ROBO1: variants seen among roughly 807,000 people sequenced by gnomAD.
ROBO1 encodes roundabout guidance receptor 1, also known as roundabout homolog 1.
Under a neutral mutation model 195.9 loss-of-function variants are expected in ROBO1, and 149 were observed. The observed-to-expected ratio is 0.76, with a 90% CI of 0.67 to 0.87. The LOEUF (loss-of-function observed/expected upper bound fraction) is 0.87, where lower values mean the gene tolerates loss of function less well. ROBO1 is among the 40% of genes least tolerant of loss of function. The pLI, the probability that ROBO1 is intolerant of heterozygous loss-of-function variation, is 0.00. For synonymous variants in ROBO1, 816 were observed against 733.2 expected (o/e 1.11, Z -1.82); for missense variants, 1,933 against 2,068.3 (o/e 0.93, Z 1.27).
At chr3:78,639,601 G>T in intron 22 of ROBO1, 143 bp downstream of exon 22, 2 of 717,002 alleles carry the variant, frequency 2.8e-6, no homozygotes, top group East Asian at 3.1e-5. Flanking sequence ...ACTTAAATCA[G>T]GCTATTTTGC....
At chr3:79,422,455 GACAA>G (rs1446497996) in intron 2 of ROBO1, among the ~76,000 whole-genome samples, 2 of 152,006 alleles carry the variant, frequency 1.3e-5, no homozygotes, top group Non-Finnish European at 2.9e-5. Flanking sequence ...AAGGGAAATT[GACAA>G]ACATTTATTA....
chr3:78,709,423 G>A (rs1334413670), intron 8 of ROBO1, among the ~76,000 whole-genome samples: 1 of 152,012 alleles, frequency 6.6e-6, no homozygotes, highest in Non-Finnish European at 1.5e-5. Flanking sequence ...TATTTACAGA[G>A]CCCAGAAAAA....
intron 4 of ROBO1, among the ~76,000 whole-genome samples, chr3:78,814,796 A>C (rs1407375811): frequency 6.6e-6 from 1 of 152,116 alleles, no homozygotes; most frequent in African/African-American, 2.4e-5. Flanking sequence ...ATAGTGCTTC[A>C]CTTTGCAGAT....
intron 2 of ROBO1, among the ~76,000 whole-genome samples, chr3:79,179,170 G>C (rs1365800430): frequency 6.6e-6 from 1 of 152,140 alleles, no homozygotes; most frequent in South Asian, 2.1e-4. Flanking sequence ...CCTCTTAGAA[G>C]CAGGAATAGT....
At chr3:79,300,263 G>A (rs964767431) in intron 2 of ROBO1, among the ~76,000 whole-genome samples, 1 of 152,234 alleles carries the variant, frequency 6.6e-6, no homozygotes, top group African/African-American at 2.4e-5. Context: ...GCGCTTGCGG[G>A]CCAGCTGGAG....
At chr3:79,310,859 T>C (rs1364577252) in intron 2 of ROBO1, among the ~76,000 whole-genome samples, 5 of 152,226 alleles carry the variant, frequency 3.3e-5, no homozygotes, top group Admixed American at 6.5e-5. Flanking sequence ...CATTTTCAAA[T>C]ATAACTAGTA....
intron 3 of ROBO1, among the ~76,000 whole-genome samples, chr3:79,037,815 G>A (rs2078407279): frequency 6.6e-6 from 1 of 152,110 alleles, no homozygotes; most frequent in Admixed American, 6.5e-5. Flanking sequence ...CTTTCAGTTG[G>A]AGTTTATTAC....
chr3:79,437,859 C>T lies in ROBO1; in HGVS notation c.88+151965G>A, dbSNP rs143894689. On this transcript the variant is annotated intron_variant, in intron 2 of 30. Coordinates refer to ENST00000464233, the MANE Select transcript of ROBO1 (RefSeq NM_002941.4). The stretch of plus-strand genomic sequence containing the variant: ...TTAATGTGGAAAAATTCAAGTTGTA[C>T]ACTTGGTGTTTGTCTACTTTCCTAT... Among the ~76,000 whole-genome samples, 1,167 of 151,886 alleles carry T rather than the reference C, an allele frequency of 7.7e-3. 8 individuals are homozygous for T. The highest frequency in any genetic ancestry group is 0.012 in the Non-Finnish European group (805 of 67,838).
chr3:78,704,585 AACACACACATACACAC>A (rs1304136321), intron 8 of ROBO1, among the ~76,000 whole-genome samples: 1 of 132,510 alleles, frequency 7.5e-6, no homozygotes, highest in East Asian at 2.0e-4. Context: ...TGGTTCATTA[AACACACACATACACAC>A]ACACACACAC....
intron 2 of ROBO1, among the ~76,000 whole-genome samples, chr3:79,582,182 A>T (rs2107792072): frequency 6.6e-6 from 1 of 151,860 alleles, no homozygotes; most frequent in Admixed American, 6.6e-5. Context: ...CAATATTTAG[A>T]ATCTAATATA....
chr3:79,612,152 T>C (rs1944679532), intron 1 of ROBO1, among the ~76,000 whole-genome samples: 1 of 150,484 alleles, frequency 6.6e-6, no homozygotes, highest in African/African-American at 2.5e-5. Context: ...TAGCATTAGG[T>C]ATATCTCCCG....
At chr3:78,674,373 T>C (rs1708268620) in intron 10 of ROBO1, among the ~76,000 whole-genome samples, 1 of 152,232 alleles carries the variant, frequency 6.6e-6, no homozygotes, top group Non-Finnish European at 1.5e-5. Flanking sequence ...CCCAAAGTAC[T>C]CTGCCTACTA....
At chr3:79,728,560 A>C (rs1045002272) in intron 1 of ROBO1, among the ~76,000 whole-genome samples, 1 of 152,200 alleles carries the variant, frequency 6.6e-6, no homozygotes, top group Non-Finnish European at 1.5e-5. Flanking sequence ...TTTAAAAATA[A>C]ATCACATTTT....
rs968978042 is a variant in ROBO1, at chr3:79,565,945, A to G, written c.88+23879T>C. Among the ~76,000 whole-genome samples, 57 of 152,170 alleles carry G rather than the reference A, an allele frequency of 3.7e-4. 1 individual carries two copies. The highest frequency in any genetic ancestry group is 1.4e-3 in the African/African-American group (57 of 41,454). On this transcript the variant is annotated intron_variant, in intron 2 of 30. Transcript: ENST00000464233. Reference sequence around the variant, plus strand: ...AAACCACAAGTCCAATAATTAGTTAACAATACGGTTCCCTTCCTGGTGGAA... The same window carrying G: ...AAACCACAAGTCCAATAATTAGTTAGCAATACGGTTCCCTTCCTGGTGGAA...
chr3:79,528,485 A>G (rs1941524183), intron 2 of ROBO1, among the ~76,000 whole-genome samples: 1 of 152,236 alleles, frequency 6.6e-6, no homozygotes, highest in Admixed American at 6.5e-5. Flanking sequence ...CAAAATAAAT[A>G]TGCATACACA....
At chr3:78,614,829 C>T in intron 27 of ROBO1, 29 bp from the exon 28 acceptor site, 1 of 1,537,230 alleles carries the variant, frequency 6.5e-7, no homozygotes, top group Non-Finnish European at 8.8e-7. Flanking sequence ...AAAATCCAAG[C>T]CAAACTCATC....
intron 4 of ROBO1, among the ~76,000 whole-genome samples, chr3:78,937,412 T>A (rs534341960): frequency 7.0e-4 from 106 of 152,048 alleles, no homozygotes; most frequent in African/African-American, 2.4e-3. Context: ...CATATATAAA[T>A]ATATACATGG....
intron 2 of ROBO1, among the ~76,000 whole-genome samples, chr3:79,410,614 A>C (rs559766483): frequency 6.7e-6 from 1 of 148,814 alleles, no homozygotes; most frequent in Non-Finnish European, 1.5e-5. Flanking sequence ...AAAGAAAGAA[A>C]AGAAAGGAAG....
chr3:78,904,746 GTA>G (rs923851366), intron 4 of ROBO1, among the ~76,000 whole-genome samples: 32 of 149,804 alleles, frequency 2.1e-4, no homozygotes, highest in Non-Finnish European at 2.2e-4. Flanking sequence ...ATATGTATAT[GTA>G]TATATGTGTG....
Sources: allele counts gnomAD v4.1 joint callset (sites outside exome capture counted in the v4.1 genomes callset), GRCh38; gene constraint gnomAD v4.1.1; transcripts MANE v1.5; gene names NCBI Gene and HGNC (gene_info 2026-07-23, HGNC 2026-07-21).